The following PPFIA2 variants were observed in gnomAD, a reference collection of about 807,000 sequenced individuals.
PPFIA2 encodes the protein PPFI scaffold protein A2, also known as liprin-alpha-2.
PPFIA2 carries 46 observed loss-of-function variants against 175.5 expected under a neutral mutation model. The observed-to-expected ratio is 0.26, with a 90% confidence interval of 0.21 to 0.34. The LOEUF (loss-of-function observed/expected upper bound fraction) is 0.34. Ranked by LOEUF, PPFIA2 falls within the 10% of genes least tolerant of loss-of-function variation. The pLI is 1.00. For synonymous variants in PPFIA2, 568 were observed against 511.4 expected (o/e 1.11, Z -1.49); for missense variants, 1,179 against 1,506.1 (o/e 0.78, Z 3.60).
intron 4 of PPFIA2, among the ~76,000 whole-genome samples, chr12:81,641,113 T>C (rs538267424): frequency 5.7e-4 from 87 of 152,276 alleles, no homozygotes; most frequent in African/African-American, 2.0e-3. Context: ...GTTGGGAACA[T>C]TTCAAATCTT....
At chr12:81,668,800 T>C (rs2070849254) in intron 4 of PPFIA2, among the ~76,000 whole-genome samples, 1 of 152,014 alleles carries the variant, frequency 6.6e-6, no homozygotes, top group South Asian at 2.1e-4. Flanking sequence ...TTATCATCAA[T>C]GGCACTATGT....
intron 9 of PPFIA2, among the ~76,000 whole-genome samples, chr12:81,376,359 C>T (rs2036355753): frequency 6.6e-6 from 1 of 151,880 alleles, no homozygotes; most frequent in Non-Finnish European, 1.5e-5. Context: ...TAACAAATAC[C>T]ATCCGTATTC....
Sources: allele counts gnomAD v4.1 joint callset (sites outside exome capture counted in the v4.1 genomes callset), GRCh38; gene constraint gnomAD v4.1.1; transcripts MANE v1.5; gene names NCBI Gene and HGNC (gene_info 2026-07-23, HGNC 2026-07-21).